Variants in COPG2 observed in about 807,000 individuals in gnomAD.
COPG2 encodes coatomer subunit gamma-2.
Under a neutral mutation model 46.3 loss-of-function variants are expected in COPG2, and 37 were observed. The observed-to-expected ratio is 0.80, with a 90% CI of 0.61 to 1.05. The LOEUF (loss-of-function observed/expected upper bound fraction) is 1.05. COPG2 is among the 50% of genes least tolerant of loss of function. The pLI is 0.00. For missense variants in COPG2, 427 were observed against 387.8 expected, an observed-to-expected ratio of 1.10 and a Z score of -0.85; for synonymous variants, 159 against 129.7, an observed-to-expected ratio of 1.23 and a Z score of -1.53.
At position 130,550,631 on chromosome 7, in the gene COPG2, G is replaced by C. The variant is rs1345012853; in HGVS notation, c.1667C>G (p.Pro556Arg). 2.5e-6 allele frequency: 1 copy of C among 397,746 alleles called. No individual in the cohort carries two copies. Among genetic ancestry groups the C allele is most frequent in the Non-Finnish European group, 4.4e-6 (1 of 225,710 alleles). The allele number at this position is 397,746 out of a possible 1,614,324, so 24.6% of individuals were successfully genotyped here. Reference sequence around the variant, plus strand: ...CTGGTGTAAGGCTTTTTCCATCCCTGGTACAGAGACCGTCAAACCTGTGAA... The same window carrying C: ...CTGGTGTAAGGCTTTTTCCATCCCTCGTACAGAGACCGTCAAACCTGTGAA... ...YIFNGLTVSV[P>R]GMEKALHQYT... Residue 556 changes from proline to arginine, a missense_variant, in exon 17 of 24, where the codon CCA becomes CGA. Transcript: ENST00000425248.
chr7:130,656,813 G>T (rs570786762), intron 4 of COPG2, among the ~76,000 whole-genome samples: 1 of 151,900 alleles, frequency 6.6e-6, no homozygotes, highest in South Asian at 2.1e-4. Flanking sequence ...TTGAATAAAG[G>T]GATATATACC....
Position 130,506,486 on chromosome 7 carries a change from A to AAG in COPG2, c.*189_*190insCT. The AAG allele has an allele frequency of 1.7e-5, 1 of 59,230 alleles. No individual in the cohort carries two copies. Among genetic ancestry groups the AAG allele is most frequent in the Non-Finnish European group, 4.8e-5 (1 of 20,924 alleles). The allele number at this position is 59,230 out of a possible 1,614,324, so 3.7% of individuals were successfully genotyped here. On this transcript the variant is annotated 3_prime_UTR_variant, in exon 24 of 24. Transcript: ENST00000425248. ...AAAGCTGACCAAGTAGAATAAAAAGAAAAAAAAAAAAAAACAACCCATGCG... is the reference window on the plus strand; with the variant it reads ...AAAGCTGACCAAGTAGAATAAAAAGAAGAAAAAAAAAAAAAACAACCCATGCG...
intron 4 of COPG2, among the ~76,000 whole-genome samples, chr7:130,658,004 T>C (rs939819880): frequency 6.6e-6 from 1 of 152,156 alleles, no homozygotes; most frequent in Non-Finnish European, 1.5e-5. Context: ...AAGTTAAACA[T>C]ACCATACCTA....
rs782025773 is a variant in COPG2, at chr7:130,506,729, C to T, written c.2563G>A (p.Val855Ile). 5.1e-6 allele frequency: 4 copies of T among 780,500 alleles called. No individual in the cohort carries two copies. The highest frequency in any genetic ancestry group is 5.1e-5 in the Admixed American group (3 of 58,998). 48.3% of individuals were successfully genotyped at this position (780,500 alleles called of 1,614,324 possible). ...ACAGGTGTTCTCTCTTTACTTCTGA[C>T]AGTCACCTGCATGGTCACTCCATCG... ...LADGVTMQVT[V>I]RSKERTPVDV... Residue 855 changes from valine to isoleucine, a missense_variant, in exon 24 of 24, where the codon GTC becomes ATC. Physicochemically the swap from Val to Ile is conservative, Grantham distance 29. Coordinates refer to ENST00000425248, the MANE Select transcript of COPG2 (RefSeq NM_012133.6).
At chr7:130,583,344 T>TG (rs1220254622) in intron 9 of COPG2, among the ~76,000 whole-genome samples, 2 of 22,296 alleles carry the variant, frequency 9.0e-5, no homozygotes, top group Non-Finnish European at 1.7e-4. Context: ...CTGGGGACTG[T>TG]GGGGGGTGGG....
chr7:130,668,532 C>T (rs1276922834), intron 1 of COPG2, 100 bp downstream of exon 1: 16 of 1,108,384 alleles, frequency 1.4e-5, no homozygotes, highest in Non-Finnish European at 1.9e-5. Flanking sequence ...GGCACGGCGG[C>T]GCCCACGCCC....
chr7:130,572,099 AGGGAG>A (rs1554445630), intron 9 of COPG2, among the ~76,000 whole-genome samples: 1 of 151,998 alleles, frequency 6.6e-6, no homozygotes, highest in Non-Finnish European at 1.5e-5. Flanking sequence ...GGGGGAAGAG[AGGGAG>A]GGGAGTAAGG....
At chr7:130,525,232 A>C (rs1468672379) in intron 20 of COPG2, among the ~76,000 whole-genome samples, 1 of 152,164 alleles carries the variant, frequency 6.6e-6, no homozygotes, top group African/African-American at 2.4e-5. Flanking sequence ...AATGCTGGTC[A>C]AGGGGCCAAG....
chr7:130,604,833 T>C (rs971671165), intron 9 of COPG2: 6 of 455,036 alleles, frequency 1.3e-5, no homozygotes, highest in Non-Finnish European at 2.1e-5. Context: ...AGAATAATCA[T>C]GTTCCCTTCC....
intron 9 of COPG2, chr7:130,608,199 A>C (rs781795043): frequency 3.7e-5 from 17 of 463,962 alleles, no homozygotes; most frequent in Non-Finnish European, 6.5e-5. Context: ...TCATCAAATA[A>C]TATACTACTG....
intron 12 of COPG2, among the ~76,000 whole-genome samples, chr7:130,555,366 T>C (rs1422535754): frequency 6.6e-6 from 1 of 152,202 alleles, no homozygotes; most frequent in Non-Finnish European, 1.5e-5. Flanking sequence ...TAAAGTTCAT[T>C]CAACAGATCC....
At position 130,506,882 on chromosome 7, in the gene COPG2, C is replaced by T. The variant is rs575630685; in HGVS notation, c.2486-76G>A. The T allele has an allele frequency of 8.6e-5, 58 of 673,336 alleles. 1 individual carries two copies. In the East Asian group the frequency reaches 1.5e-3, roughly 17 times the overall value. The allele number at this position is 673,336 out of a possible 1,614,324, so 41.7% of individuals were successfully genotyped here. ...GGATAATGAAATTTATCATGCTATC[C>T]CTGCATCTCCTTTCTATTAGTTTAG... On this transcript the variant is annotated intron_variant, in intron 23 of 23. Transcript: ENST00000425248.
intron 9 of COPG2, among the ~76,000 whole-genome samples, chr7:130,571,935 A>C (rs1445061186): frequency 6.6e-6 from 1 of 152,096 alleles, no homozygotes; most frequent in Non-Finnish European, 1.5e-5. Context: ...AAATAATAGC[A>C]TTTGCAGCAA....
chr7:130,583,509 A>G (rs1366572929), intron 9 of COPG2, among the ~76,000 whole-genome samples: 3 of 148,366 alleles, frequency 2.0e-5, no homozygotes, highest in African/African-American at 7.3e-5. Flanking sequence ...AAAAAAAAAA[A>G]AAAAAAAAAA....
At chr7:130,662,827 G>A in intron 4 of COPG2, 140 bp downstream of exon 4, 1 of 636,996 alleles carries the variant, frequency 1.6e-6, no homozygotes, top group Non-Finnish European at 2.8e-6. Flanking sequence ...GTCTTATAAT[G>A]AATATTTATA....
chr7:130,523,337 G>GA lies in COPG2; in HGVS notation c.2150-14679dup, dbSNP rs1227935577. On this transcript the variant is annotated intron_variant, in intron 20 of 23. Coordinates refer to ENST00000425248, the MANE Select transcript of COPG2 (RefSeq NM_012133.6). ...AGTGTTCAGCTCAGAAAAAGTAAAG[G>GA]AAAAAAAAAGCAATCTCTAAAAGGA... Among the ~76,000 whole-genome samples, 663 of 149,950 alleles carry GA rather than the reference G, an allele frequency of 4.4e-3. 3 individuals carry two copies. Among genetic ancestry groups the GA allele is most frequent in the African/African-American group, 0.015 (611 of 40,828 alleles).
In COPG2 at chr7:130,507,302, G is replaced by A. The variant is rs782523296; in HGVS notation, c.2457C>T (p.Asn819=). ...CCAGATAGAGCGAATGGGAATTCTTGTTCTCAGGTACTTTATCGGACCTCT... is the reference window on the plus strand; with the variant it reads ...CCAGATAGAGCGAATGGGAATTCTTATTCTCAGGTACTTTATCGGACCTCT... The part of the protein sequence containing the change: ...PCERSDKVPE[N]KNSHSLYLAG... The change falls in exon 23 of 24, where the codon AAC becomes AAT. Residue 819 remains asparagine, a synonymous_variant. Transcript: ENST00000425248. The A allele has an allele frequency of 5.1e-6, 4 of 780,608 alleles. No individual in the cohort carries two copies. Among genetic ancestry groups the A allele is most frequent in the African/African-American group, 1.7e-5 (1 of 59,132 alleles). The allele number at this position is 780,608 out of a possible 1,614,324, so 48.4% of individuals were successfully genotyped here.
At chr7:130,654,436 G>C (rs1563072410) in intron 4 of COPG2, among the ~76,000 whole-genome samples, 1 of 152,116 alleles carries the variant, frequency 6.6e-6, no homozygotes. Flanking sequence ...GAGTAACTCA[G>C]AAATAGAGCA....
intron 9 of COPG2, among the ~76,000 whole-genome samples, chr7:130,608,812 G>A (rs544782558): frequency 3.3e-5 from 5 of 151,980 alleles, no homozygotes; most frequent in Non-Finnish European, 7.4e-5. Flanking sequence ...ATGATTAGGT[G>A]TGGTTTTTAT....
Sources: gnomAD v4.1 joint callset for allele counts (sites outside exome capture counted in the v4.1 genomes callset) on GRCh38, gnomAD v4.1.1 for gene constraint, MANE v1.5 for transcripts, NCBI Gene and HGNC (gene_info 2026-07-23, HGNC 2026-07-21) for gene names.